KNSTRN: variants seen among roughly 807,000 people sequenced by gnomAD.
The protein encoded by KNSTRN is kinetochore localized astrin (SPAG5) binding protein, also known as small kinetochore-associated protein.
KNSTRN carries 38 observed loss-of-function variants against 44.7 expected under a neutral mutation model. That is an observed-to-expected ratio of 0.85 (90% CI 0.66 to 1.11). The LOEUF is 1.11. Among genes scored for constraint, KNSTRN ranks in the 50% most tolerant of loss-of-function variants. The pLI is 0.00. For synonymous variants in KNSTRN, 158 were observed against 148.1 expected, an observed-to-expected ratio of 1.07 and a Z score of -0.48; for missense variants, 406 against 375.8, an observed-to-expected ratio of 1.08 and a Z score of -0.66.
intron 3 of KNSTRN, 156 bp downstream of exon 3, chr15:40,386,650 A>T (rs940439537): frequency 2.9e-6 from 2 of 694,280 alleles, no homozygotes; most frequent in Non-Finnish European, 4.7e-6. Flanking sequence ...GCTCTGTGCC[A>T]GAACCCTCTG....
chr15:40,391,842 C>T, intron 7 of KNSTRN, 107 bp from the exon 8 acceptor site: 1 of 849,414 alleles, frequency 1.2e-6, no homozygotes, highest in Non-Finnish European at 1.9e-6. Context: ...TCAAATTTCT[C>T]TCCTGACTCC....
At chr15:40,387,252 G>GCC in intron 4 of KNSTRN, 46 bp downstream of exon 4, 1 of 1,412,492 alleles carries the variant, frequency 7.1e-7, no homozygotes. Context: ...TAGGGTAGTG[G>GCC]ATCTCAATCC....
intron 8 of KNSTRN, chr15:40,393,076 CAGT>C (rs1890029152): frequency 5.0e-6 from 5 of 1,005,776 alleles, no homozygotes; most frequent in Middle Eastern, 2.1e-4. Flanking sequence ...ATGTGTAACA[CAGT>C]AGGTTGCTCA....
chr15:40,385,678 C>A (rs1270293609), intron 2 of KNSTRN, among the ~76,000 whole-genome samples: 2 of 152,198 alleles, frequency 1.3e-5, no homozygotes, highest in Non-Finnish European at 2.9e-5. Context: ...CAGAGCAGCT[C>A]AGTCATGCCT....
At chr15:40,386,997 C>T (rs756542403) in intron 3 of KNSTRN, 162 bp from the exon 4 acceptor site, 13 of 649,380 alleles carry the variant, frequency 2.0e-5, no homozygotes, top group South Asian at 8.8e-5. Context: ...TAATCTGTGC[C>T]GAAGCAGTAA....
At position 40,382,948 on chromosome 15, in the gene KNSTRN, C is replaced by T; in HGVS notation, c.113C>T (p.Thr38Ile). The change falls in exon 1 of 9, where the codon ACC becomes ATC. Residue 38 changes from threonine to isoleucine, a missense_variant. Thr to Ile is a moderately conservative substitution (Grantham distance 89). Transcript: ENST00000249776. ...PPSYRKFLFE[T>I]QAADLAGGTT... ...AGCTACCGGAAGTTTCTATTTGAAA[C>T]CCAGGCGGCCGACTTAGCCGGTGGC... 1 of 1,612,292 alleles carries T rather than the reference C, an allele frequency of 6.2e-7. No individual in the cohort carries two copies. The highest frequency in any genetic ancestry group is 8.5e-7 in the Non-Finnish European group (1 of 1,180,034).
In KNSTRN at chr15:40,389,523, A is replaced by G. The variant is rs138258522; in HGVS notation, c.503A>G (p.Lys168Arg). Residue 168 changes from lysine (K) to arginine (R), a missense_variant, in exon 5 of 9, where the codon AAG becomes AGG. By Grantham distance (26) the Lys-to-Arg change is conservative (BLOSUM62 2). Coordinates refer to ENST00000249776, the MANE Select transcript of KNSTRN (RefSeq NM_033286.4). ...NVRKGYKPLS[K>R]QKSEEELKDK... ...TATTACAGCTACAAACCACTGAGTA[A>G]GCAAAAATCAGAGGAAGAGCTCAAG... 77 of 1,613,784 alleles carry G rather than the reference A, an allele frequency of 4.8e-5. No individual in the cohort carries two copies. In the African/African-American group the frequency reaches 8.7e-4, roughly 18 times the overall value.
intron 5 of KNSTRN, 107 bp downstream of exon 5, chr15:40,389,718 A>G: frequency 1.5e-6 from 2 of 1,306,480 alleles, no homozygotes; most frequent in Non-Finnish European, 2.2e-6. Context: ...ACAGATGCCC[A>G]AGGGCAGAAA....
At position 40,390,002 on chromosome 15, in the gene KNSTRN, A is replaced by C. The variant is rs1889971843; in HGVS notation, c.685+73A>C. 3 of 1,207,494 alleles carry C rather than the reference A, an allele frequency of 2.5e-6. No homozygotes were observed. The South Asian group carries it at 3.6e-5, about 15-fold the overall frequency. The allele number at this position is 1,207,494 out of a possible 1,614,324, so 74.8% of individuals were successfully genotyped here. On this transcript the variant is annotated intron_variant, in intron 6 of 8. Transcript: ENST00000249776. ...TGCCCCTTCCGGGGTTGATCTTGGC[A>C]GCATGGCATCAGCTGGCCCAGTATG...
At position 40,391,526 on chromosome 15, in the gene KNSTRN, A is replaced by T. The variant is rs1223092265; in HGVS notation, c.719A>T (p.Glu240Val). The change falls in exon 7 of 9, where the codon GAA becomes GTA. Residue 240 changes from glutamate (E) to valine (V), a missense_variant. Physicochemically the swap from Glu to Val is moderately radical, Grantham distance 121 (BLOSUM62 -2). Transcript: ENST00000249776. The stretch of plus-strand genomic sequence containing the variant: ...AGTGAGACCCTGGCATCACGACAAG[A>T]ATCCACTACTGATCACATGGACTCT... ...LGSETLASRQ[E>V]STTDHMDSML... 3.7e-6 allele frequency: 6 copies of T among 1,614,054 alleles called. No individual in the cohort carries two copies. Among genetic ancestry groups the T allele is most frequent in the Non-Finnish European group, 5.1e-6 (6 of 1,179,948 alleles).
intron 4 of KNSTRN, among the ~76,000 whole-genome samples, chr15:40,388,035 A>G (rs1166884321): frequency 3.3e-5 from 5 of 152,168 alleles, no homozygotes; most frequent in Non-Finnish European, 7.3e-5. Context: ...TTGAAGACAA[A>G]ATACTAGCAA....
rs756437940 is a variant in KNSTRN, at chr15:40,389,671, G to C, written c.591+60G>C. On this transcript the variant is annotated intron_variant, in intron 5 of 8. Coordinates refer to ENST00000249776, the MANE Select transcript of KNSTRN (RefSeq NM_033286.4). ...CACTGGGCGATCCACATGGAATCCT[G>C]ATGGGTGGCCCCTTGGATGAGCAAG... 4.1e-4 allele frequency: 554 copies of C among 1,366,518 alleles called. 1 individual carries two copies. The highest frequency in any genetic ancestry group is 5.2e-4 in the Non-Finnish European group (498 of 956,846). 84.6% of individuals were successfully genotyped at this position (1,366,518 alleles called of 1,614,324 possible).
Position 40,383,438 on chromosome 15 carries a change from C to T in KNSTRN, c.304+116C>T, listed in dbSNP as rs933411089. 30 of 713,796 alleles carry T rather than the reference C, an allele frequency of 4.2e-5. No individual in the cohort carries two copies. In the African/African-American group the frequency reaches 4.7e-4, roughly 11 times the overall value. 44.2% of individuals were successfully genotyped at this position (713,796 alleles called of 1,614,324 possible). The stretch of plus-strand genomic sequence containing the variant: ...AAGGGCGTCCCGTCGGCCCTGAAAA[C>T]CTGTGAGCCCCCTATAACCAGGCTA... On this transcript the variant is annotated intron_variant, in intron 2 of 8. Coordinates refer to ENST00000249776, the MANE Select transcript of KNSTRN (RefSeq NM_033286.4).
chr15:40,387,655 C>G (rs989133635), intron 4 of KNSTRN, among the ~76,000 whole-genome samples: 2 of 152,122 alleles, frequency 1.3e-5, no homozygotes, highest in Non-Finnish European at 2.9e-5. Context: ...AAATAATAAG[C>G]TGAAAAGTCT....
At position 40,389,092 on chromosome 15, in the gene KNSTRN, G is replaced by A. The variant is rs566629411; in HGVS notation, c.486-414G>A. 114 of 440,384 alleles carry A rather than the reference G, an allele frequency of 2.6e-4. 1 individual carries two copies. The highest frequency in any genetic ancestry group is 2.2e-3 in the African/African-American group (106 of 49,142). The allele number at this position is 440,384 out of a possible 1,614,324, so 27.3% of individuals were successfully genotyped here. On this transcript the variant is annotated intron_variant, in intron 4 of 8. Coordinates refer to ENST00000249776, the MANE Select transcript of KNSTRN (RefSeq NM_033286.4). ...AACTCACTGAAGGTCATATACCACTGTGTAATAGCCAGGATAGAATGGGAC... is the reference window on the plus strand; with the variant it reads ...AACTCACTGAAGGTCATATACCACTATGTAATAGCCAGGATAGAATGGGAC...
chr15:40,382,736 G>A lies in KNSTRN; in HGVS notation c.-100G>A. Reference sequence around the variant, plus strand: ...CTGGTAGCTCATTAGCTCCATTCAAGCCTACAAATTGCATCACCCTCCTCC... The same window carrying A: ...CTGGTAGCTCATTAGCTCCATTCAAACCTACAAATTGCATCACCCTCCTCC... On this transcript the variant is annotated 5_prime_UTR_variant, in exon 1 of 9. Transcript: ENST00000249776. The A allele has an allele frequency of 1.9e-6, 2 of 1,039,138 alleles. No individual in the cohort carries two copies. Among genetic ancestry groups the A allele is most frequent in the Non-Finnish European group, 1.4e-6 (1 of 713,868 alleles). 64.4% of individuals were successfully genotyped at this position (1,039,138 alleles called of 1,614,324 possible). A position where few individuals can be genotyped will look rare whatever the true frequency, so the allele number is the denominator to read the frequency against.
In KNSTRN at chr15:40,382,897, A is replaced by C. The variant is rs375959841; in HGVS notation, c.62A>C (p.Glu21Ala). Reference protein sequence around the residue: ...RVFRTTWLSTECDSHPLPPSY... With the variant: ...RVFRTTWLSTACDSHPLPPSY... ...TTCCGTACAACATGGCTGTCTACAG[A>C]GTGCGATTCCCACCCACTTCCGCCT... Residue 21 changes from glutamate to alanine, a missense_variant, in exon 1 of 9, where the codon GAG becomes GCG. Physicochemically the swap from Glu to Ala is moderately radical, Grantham distance 107. Transcript: ENST00000249776. 5.0e-5 allele frequency: 81 copies of C among 1,612,136 alleles called. No individual in the cohort carries two copies. The highest frequency in any genetic ancestry group is 6.7e-5 in the African/African-American group (5 of 74,856).
At position 40,382,869 on chromosome 15, in the gene KNSTRN, G is replaced by A. The variant is rs747846923; in HGVS notation, c.34G>A (p.Val12Ile). 5.0e-6 allele frequency: 8 copies of A among 1,612,206 alleles called. 1 individual carries two copies. The highest frequency in any genetic ancestry group is 3.3e-5 in the South Asian group (3 of 90,996). ...TCCCGAAGCCCCGCCCCTGGACAGAGTTTTCCGTACAACATGGCTGTCTAC... is the reference window on the plus strand; with the variant it reads ...TCCCGAAGCCCCGCCCCTGGACAGAATTTTCCGTACAACATGGCTGTCTAC... Reference protein sequence around the residue: ...AAPEAPPLDRVFRTTWLSTEC... With the variant: ...AAPEAPPLDRIFRTTWLSTEC... Residue 12 changes from valine to isoleucine, a missense_variant, in exon 1 of 9, where the codon GTT becomes ATT. Physicochemically the swap from Val to Ile is conservative, Grantham distance 29. Coordinates refer to ENST00000249776, the MANE Select transcript of KNSTRN (RefSeq NM_033286.4).
At chr15:40,389,468 C>T (rs562695126) in intron 4 of KNSTRN, 38 bp from the exon 5 acceptor site, 14 of 1,513,048 alleles carry the variant, frequency 9.3e-6, no homozygotes, top group Admixed American at 8.4e-5. Flanking sequence ...TACTGTTAAC[C>T]CTTTTATCTT....
Sources: gnomAD v4.1 joint callset for allele counts (sites outside exome capture counted in the v4.1 genomes callset) on GRCh38, gnomAD v4.1.1 for gene constraint, MANE v1.5 for transcripts, NCBI Gene and HGNC (gene_info 2026-07-23, HGNC 2026-07-21) for gene names.